Variants in CYP4X1 observed in about 807,000 individuals in gnomAD.
The protein encoded by CYP4X1 is cytochrome P450 family 4 subfamily X member 1.
In CYP4X1, 44 loss-of-function variants were observed where a neutral mutation model predicts 57.9. That is an observed-to-expected ratio of 0.76 (90% CI 0.60 to 0.98). The LOEUF (loss-of-function observed/expected upper bound fraction) is 0.98, where lower values mean the gene tolerates loss of function less well. CYP4X1 is among the 50% of genes least tolerant of loss of function. CYP4X1 has a pLI of 0.00. For missense variants in CYP4X1, 532 were observed against 623.9 expected, an observed-to-expected ratio of 0.85 and a Z score of 1.57; for synonymous variants, 227 against 228.6, an observed-to-expected ratio of 0.99 and a Z score of 0.06.
chr1:47,040,930 A>G (rs1327974396), intron 8 of CYP4X1, among the ~76,000 whole-genome samples: 1 of 152,068 alleles, frequency 6.6e-6, no homozygotes, highest in African/African-American at 2.4e-5. Context: ...GTATCCTTTG[A>G]CTAACATCCC....
chr1:47,052,533 A>G (rs1482681950), downstream of CYP4X1, among the ~76,000 whole-genome samples: 1 of 152,154 alleles, frequency 6.6e-6, no homozygotes, highest in Non-Finnish European at 1.5e-5. Flanking sequence ...GTGCAAGAAA[A>G]TGTCATTGGC....
At chr1:46,966,521 G>A in the CYP4X1 span, among the ~76,000 whole-genome samples, 17 of 151,974 alleles carry the variant, frequency 1.1e-4, no homozygotes, top group Admixed American at 9.8e-4. Context: ...GGGGGTTGGG[G>A]TTTCTTTGGC....
At chr1:47,005,221 GTTTGGCCTCAATAT>G in the CYP4X1 span, among the ~76,000 whole-genome samples, 1 of 152,192 alleles carries the variant, frequency 6.6e-6, no homozygotes, top group Non-Finnish European at 1.5e-5. Flanking sequence ...TTGCAATACT[GTTTGGCCTCAATAT>G]TGCTTGGAAT....
chr1:46,990,415 G>T, the CYP4X1 span, among the ~76,000 whole-genome samples: 1 of 152,166 alleles, frequency 6.6e-6, no homozygotes, highest in African/African-American at 2.4e-5. Flanking sequence ...TACTGGAGAC[G>T]ATGCAGAGAA....
chr1:46,974,308 T>C, the CYP4X1 span, among the ~76,000 whole-genome samples: 2 of 152,096 alleles, frequency 1.3e-5, no homozygotes, highest in East Asian at 1.9e-4. Flanking sequence ...GGTGTGTATG[T>C]TTTTTCTTTA....
the CYP4X1 span, among the ~76,000 whole-genome samples, chr1:46,966,247 T>C: frequency 1.1e-4 from 16 of 152,310 alleles, no homozygotes; most frequent in Non-Finnish European, 1.9e-4. Context: ...GCTCGCCGGA[T>C]TCAGCCCTCT....
At chr1:47,002,375 T>C in the CYP4X1 span, among the ~76,000 whole-genome samples, 1 of 152,186 alleles carries the variant, frequency 6.6e-6, no homozygotes, top group African/African-American at 2.4e-5. Context: ...GAGCTAGAAA[T>C]TGAGCTTAGG....
At chr1:47,022,236 G>C (rs563499596), upstream of CYP4X1, among the ~76,000 whole-genome samples, 2 of 151,662 alleles carry the variant, frequency 1.3e-5, no homozygotes, top group East Asian at 3.9e-4. Flanking sequence ...CATGCAAGGG[G>C]CCAGGACGAA....
At chr1:47,030,214 G>A in intron 2 of CYP4X1, 83 bp downstream of exon 2, 1 of 1,511,884 alleles carries the variant, frequency 6.6e-7, no homozygotes, top group Non-Finnish European at 8.9e-7. Context: ...CCAAAGCAAA[G>A]ATTGGTTTGG....
chr1:47,008,287 G>T, the CYP4X1 span, among the ~76,000 whole-genome samples: 1 of 152,170 alleles, frequency 6.6e-6, no homozygotes, highest in Non-Finnish European at 1.5e-5. Context: ...TTAAAGAAAA[G>T]AATTTTCAAC....
the CYP4X1 span, among the ~76,000 whole-genome samples, chr1:47,011,440 A>G: frequency 1.3e-5 from 2 of 152,224 alleles, no homozygotes; most frequent in East Asian, 1.9e-4. Context: ...TGTTAGACCT[A>G]AAACCATAAA....
chr1:47,053,613 A>T (rs1212487695), downstream of CYP4X1, among the ~76,000 whole-genome samples: 2 of 152,172 alleles, frequency 1.3e-5, no homozygotes, highest in Non-Finnish European at 2.9e-5. Context: ...CGCCATTCTA[A>T]CTGGTATGAG....
the CYP4X1 span, among the ~76,000 whole-genome samples, chr1:46,979,716 C>T: frequency 1.4e-4 from 22 of 152,014 alleles, no homozygotes; most frequent in Admixed American, 2.6e-4. Flanking sequence ...AACATCGATG[C>T]GAAAATCCTC....
chr1:47,020,865 C>T (rs1227647783), upstream of CYP4X1, among the ~76,000 whole-genome samples: 1 of 152,170 alleles, frequency 6.6e-6, no homozygotes, highest in Non-Finnish European at 1.5e-5. Context: ...TTACCTTGCA[C>T]TGCCCTGTTT....
At chr1:47,054,702 A>G (rs1311854826), downstream of CYP4X1, among the ~76,000 whole-genome samples, 5 of 152,166 alleles carry the variant, frequency 3.3e-5, no homozygotes, top group Non-Finnish European at 7.4e-5. Context: ...GAATTCACTC[A>G]TGATTTGGCT....
the CYP4X1 span, among the ~76,000 whole-genome samples, chr1:46,998,175 T>C: frequency 2.7e-4 from 37 of 138,712 alleles, no homozygotes; most frequent in East Asian, 6.2e-3. Context: ...TTCTGTTTGT[T>C]TGTTTTTTAG....
At chr1:47,049,900 C>A in intron 11 of CYP4X1, 100 bp from the exon 12 acceptor site, 1 of 1,216,142 alleles carries the variant, frequency 8.2e-7, no homozygotes, top group Non-Finnish European at 1.2e-6. Flanking sequence ...GGAAAAATAT[C>A]ACTTTACTGT....
At chr1:47,006,924 G>A in the CYP4X1 span, among the ~76,000 whole-genome samples, 683 of 152,328 alleles carry the variant, frequency 4.5e-3, 2 homozygotes, top group South Asian at 0.024. Context: ...TAAACAAAGC[G>A]GCTGGGAAGC....
the CYP4X1 span, among the ~76,000 whole-genome samples, chr1:46,992,175 G>C: frequency 2.0e-5 from 3 of 152,214 alleles, no homozygotes; most frequent in Non-Finnish European, 4.4e-5. Context: ...AATTAGCTGA[G>C]TGCGAAGGCA....
Sources: gnomAD v4.1 joint callset for allele counts (sites outside exome capture counted in the v4.1 genomes callset) on GRCh38, gnomAD v4.1.1 for gene constraint, MANE v1.5 for transcripts, NCBI Gene and HGNC (gene_info 2026-07-23, HGNC 2026-07-21) for gene names.